Variants in PTPRA observed in about 807,000 individuals in gnomAD.
PTPRA encodes receptor-type tyrosine-protein phosphatase alpha.
In PTPRA, 25 loss-of-function variants were observed where a neutral mutation model predicts 104.8. The observed-to-expected ratio is 0.24, with a 90% CI of 0.17 to 0.33. The LOEUF is 0.33. Among genes scored for constraint, PTPRA ranks in the 10% least tolerant of loss-of-function variants. The pLI is 1.00. For missense variants in PTPRA, 765 were observed against 1,015.3 expected (o/e 0.75, Z 3.35); for synonymous variants, 323 against 368.9 (o/e 0.88, Z 1.43).
intron 1 of PTPRA, among the ~76,000 whole-genome samples, chr20:2,878,715 C>G (rs1269629596): frequency 6.6e-6 from 1 of 152,204 alleles, no homozygotes; most frequent in African/African-American, 2.4e-5. Context: ...GTTTCCAGCA[C>G]TATCAGCAAT....
At chr20:2,942,783 A>G (rs1271294272) in intron 2 of PTPRA, among the ~76,000 whole-genome samples, 1 of 151,380 alleles carries the variant, frequency 6.6e-6, no homozygotes, top group Non-Finnish European at 1.5e-5. Flanking sequence ...ATTAATGTAT[A>G]CTTAATATGA....
At chr20:2,988,589 G>A in intron 9 of PTPRA, 115 bp downstream of exon 9, 1 of 1,411,236 alleles carries the variant, frequency 7.1e-7, no homozygotes. Flanking sequence ...TTTAAGAGGT[G>A]AGAAATGTTT....
chr20:2,997,669 T>C (rs1363763360), intron 9 of PTPRA, among the ~76,000 whole-genome samples: 1 of 152,238 alleles, frequency 6.6e-6, no homozygotes, highest in Non-Finnish European at 1.5e-5. Context: ...GCTTTCATCC[T>C]AATTACAAGC....
At chr20:2,988,769 G>A (rs2063014377) in intron 9 of PTPRA, among the ~76,000 whole-genome samples, 1 of 152,232 alleles carries the variant, frequency 6.6e-6, no homozygotes, top group Non-Finnish European at 1.5e-5. Context: ...CTAGTTGCCA[G>A]TGATATGATG....
intron 1 of PTPRA, among the ~76,000 whole-genome samples, chr20:2,884,812 G>GTT (rs34457101): frequency 5.5e-5 from 7 of 127,032 alleles, no homozygotes; most frequent in Non-Finnish European, 1.1e-4. Context: ...TGTTTTTTTT[G>GTT]TTTTTTTTTT....
chr20:2,881,009 C>CAA (rs960141735), intron 1 of PTPRA, among the ~76,000 whole-genome samples: 3 of 138,846 alleles, frequency 2.2e-5, no homozygotes, highest in East Asian at 2.1e-4. Flanking sequence ...CTCTGTGTCT[C>CAA]AAAAAAAAAA....
intron 13 of PTPRA, 50 bp from the exon 14 acceptor site, chr20:3,021,259 C>T (rs1480254447): frequency 1.2e-6 from 2 of 1,610,860 alleles, no homozygotes; most frequent in Non-Finnish European, 1.7e-6. Flanking sequence ...TTTGCATCTG[C>T]CATGGGCAGG....
rs1299419919 is a variant in PTPRA, at chr20:2,923,193, T to G, written c.-128-14T>G. ...TGTTGTATATTTCTAAAGGTATTTT[T>G]CCTTTTGTTGCAGGTGACACAACTA... On this transcript the variant is annotated splice_polypyrimidine_tract_variant and intron_variant, in intron 1 of 23. Transcript: ENST00000399903. The G allele has an allele frequency of 9.1e-6, 10 of 1,098,818 alleles. No homozygotes were observed. Among genetic ancestry groups the G allele is most frequent in the Non-Finnish European group, 1.1e-5 (9 of 828,972 alleles). The allele number at this position is 1,098,818 out of a possible 1,614,324, so 68.1% of individuals were successfully genotyped here.
chr20:2,899,782 G>A (rs1338063222), intron 1 of PTPRA, among the ~76,000 whole-genome samples: 2 of 151,986 alleles, frequency 1.3e-5, no homozygotes, highest in Non-Finnish European at 1.5e-5. Context: ...AACACAATAG[G>A]GTTTCTTCTG....
intron 3 of PTPRA, chr20:2,955,807 G>T (rs546187116): frequency 2.7e-5 from 12 of 451,102 alleles, no homozygotes; most frequent in South Asian, 9.3e-5. Context: ...TCATAGAGCT[G>T]TCTTCTTCCC....
At chr20:2,954,260 GT>G (rs1162978171) in intron 3 of PTPRA, among the ~76,000 whole-genome samples, 8 of 151,590 alleles carry the variant, frequency 5.3e-5, no homozygotes, top group Non-Finnish European at 1.2e-4. Context: ...TGTATTTTTA[GT>G]AGAGATGGGG....
chr20:2,893,056 C>T (rs1192155289), intron 1 of PTPRA, among the ~76,000 whole-genome samples: 4 of 152,202 alleles, frequency 2.6e-5, no homozygotes, highest in East Asian at 3.8e-4. Flanking sequence ...TGGTATCCAA[C>T]GGCTCTTGAA....
At chr20:3,014,274 G>C (rs192274326) in intron 11 of PTPRA, among the ~76,000 whole-genome samples, 10 of 152,202 alleles carry the variant, frequency 6.6e-5, no homozygotes, top group South Asian at 2.1e-4. Flanking sequence ...ATCCATCTCT[G>C]AGGCCTAAAG....
At chr20:2,879,845 C>T (rs892225368) in intron 1 of PTPRA, among the ~76,000 whole-genome samples, 7 of 152,144 alleles carry the variant, frequency 4.6e-5, no homozygotes, top group African/African-American at 9.7e-5. Context: ...AGCCTAGATA[C>T]GTAGCAAGCT....
intron 2 of PTPRA, among the ~76,000 whole-genome samples, chr20:2,926,639 CT>C (rs2060304938): frequency 6.6e-6 from 1 of 151,940 alleles, no homozygotes; most frequent in South Asian, 2.1e-4. Flanking sequence ...AAATCTCTGT[CT>C]CAAAAACAAA....
rs1262892222 is a variant in PTPRA at position 3,026,892 on chromosome 20, C to T, written c.1708+112C>T. 5 of 1,048,112 alleles carry T rather than the reference C, an allele frequency of 4.8e-6. No individual in the cohort carries two copies. The African/African-American group carries it at 8.0e-5, about 17-fold the overall frequency. 64.9% of individuals were successfully genotyped at this position (1,048,112 alleles called of 1,614,324 possible). On this transcript the variant is annotated intron_variant, in intron 18 of 23. Coordinates refer to ENST00000399903, the MANE Select transcript of PTPRA (RefSeq NM_001385305.1). ...ATTGGCGTATAGACAAGAATCATGG[C>T]ATTGCCTCTTGTTGCACCCACTTAA...
intron 2 of PTPRA, among the ~76,000 whole-genome samples, chr20:2,926,769 C>CTTTTTTT (rs777386962): frequency 3.5e-5 from 3 of 85,030 alleles, no homozygotes; most frequent in South Asian, 5.5e-4. Flanking sequence ...TTTCCTTTTC[C>CTTTTTTT]TTTTTTTTTT....
the PTPRA span, chr20:2,866,588 T>C: frequency 1.7e-5 from 27 of 1,613,378 alleles, no homozygotes; most frequent in Admixed American, 3.3e-5. Flanking sequence ...GTCCATCCTG[T>C]ACATCTCAAG....
chr20:2,931,718 TTGTGTGTGTGTGTGTG>T (rs11469421), intron 2 of PTPRA, among the ~76,000 whole-genome samples: 1 of 149,716 alleles, frequency 6.7e-6, no homozygotes, highest in African/African-American at 2.5e-5. Flanking sequence ...GGGTCTTGGC[TTGTGTGTGTGTGTGTG>T]TGTGTGTGTG....
Sources: gnomAD v4.1 joint callset for allele counts (sites outside exome capture counted in the v4.1 genomes callset) on GRCh38, gnomAD v4.1.1 for gene constraint, MANE v1.5 for transcripts, NCBI Gene and HGNC (gene_info 2026-07-23, HGNC 2026-07-21) for gene names.